The following TBL1X variants were observed in gnomAD, a reference collection of about 807,000 sequenced individuals.
TBL1X encodes F-box-like/WD repeat-containing protein TBL1X.
In TBL1X, 10 loss-of-function variants were observed where a neutral mutation model predicts 50.7. The ratio of observed to expected loss-of-function variants is 0.20; its 90% confidence interval spans 0.12 to 0.33. The LOEUF (loss-of-function observed/expected upper bound fraction) is 0.33. TBL1X is among the 10% of genes least tolerant of loss of function. The pLI is 1.00. For missense variants in TBL1X, 340 were observed against 504.4 expected (o/e 0.67, Z 3.12); for synonymous variants, 190 against 214.7 (o/e 0.88, Z 1.01).
chrX:9,576,778 C>T (rs747303525), intron 2 of TBL1X, among the ~76,000 whole-genome samples: 3 of 106,083 alleles, frequency 2.8e-5, no homozygotes, highest in South Asian at 4.4e-4. Context: ...GTGGGAGGAT[C>T]GCTTGAGCCC....
At chrX:9,667,134 C>T (rs1256700174) in intron 5 of TBL1X, among the ~76,000 whole-genome samples, 4 of 111,401 alleles carry the variant, frequency 3.6e-5, no homozygotes, top group African/African-American at 9.8e-5. Context: ...TGGTGGCGGG[C>T]GCCTGTAGTT....
chrX:9,688,100 G>A lies in TBL1X; in HGVS notation c.441G>A (p.Gln147=). Residue 147 remains glutamine (Q), a synonymous_variant, in exon 7 of 18, where the codon CAG becomes CAA. Transcript: ENST00000645353. ...AVMPDVVQTR[Q]QAFREKLAQQ... Reference sequence around the variant, plus strand: ...TGCCCGACGTGGTGCAGACGCGGCAGCAGGCATTCCGAGAGAAGCTCGCTC... The same window carrying A: ...TGCCCGACGTGGTGCAGACGCGGCAACAGGCATTCCGAGAGAAGCTCGCTC... 2 of 1,211,329 alleles carry A rather than the reference G, an allele frequency of 1.7e-6. No individual in the cohort carries two copies. The highest frequency in any genetic ancestry group is 2.2e-6 in the Non-Finnish European group (2 of 895,195).
At position 9,616,021 on chromosome X, in the gene TBL1X, A is replaced by T. The variant is rs760611300; in HGVS notation, c.-130-24252A>T. ...TATGTGAAACACAGGGAAGACAGCC[A>T]TGAACAGACCAGACACAAATCTTAC... is the stretch of plus-strand genomic sequence containing the variant. On this transcript the variant is annotated intron_variant, in intron 2 of 17. Transcript: ENST00000645353. Among the ~76,000 whole-genome samples, 442 of 112,389 alleles carry T rather than the reference A, an allele frequency of 3.9e-3. 2 individuals carry two copies. Among genetic ancestry groups the T allele is most frequent in the African/African-American group, 0.013 (418 of 30,988 alleles).
intron 2 of TBL1X, among the ~76,000 whole-genome samples, chrX:9,518,721 T>A (rs922324700): frequency 9.0e-6 from 1 of 111,104 alleles, no homozygotes; most frequent in African/African-American, 3.3e-5. Context: ...GGCCTTTTTC[T>A]GTATCCTCCT....
chrX:9,470,358 C>T (rs977977438), intron 1 of TBL1X, among the ~76,000 whole-genome samples: 17 of 112,789 alleles, frequency 1.5e-4, no homozygotes, highest in East Asian at 2.8e-4. Context: ...CAAGTTCAAG[C>T]GATTCTCCTC....
chrX:9,681,603 G>C (rs2083026303), intron 5 of TBL1X, among the ~76,000 whole-genome samples: 1 of 112,396 alleles, frequency 8.9e-6, no homozygotes, highest in Non-Finnish European at 1.9e-5. Flanking sequence ...TTGCGGGAAT[G>C]AATGAGTCAG....
At chrX:9,469,377 G>T in intron 1 of TBL1X, among the ~76,000 whole-genome samples, 1 of 111,179 alleles carries the variant, frequency 9.0e-6, no homozygotes, top group Non-Finnish European at 1.9e-5. Flanking sequence ...TGGCCAGGCT[G>T]GGCTCGAACT....
At position 9,709,791 on chromosome X, in the gene TBL1X, C is replaced by T. The variant is rs180683131; in HGVS notation, c.1439+31C>T. The T allele has an allele frequency of 3.8e-5, 46 of 1,198,533 alleles. 1 individual carries two copies. In the Middle Eastern group the frequency reaches 7.7e-3, roughly 200 times the overall value. ...GGCAGGCAACACAGCTGGCACAGCT[C>T]GGTGTTACACAAAGACAACAGGAAA... On this transcript the variant is annotated intron_variant, in intron 15 of 17. Coordinates refer to ENST00000645353, the MANE Select transcript of TBL1X (RefSeq NM_005647.4).
At chrX:9,540,185 C>T (rs756365829) in intron 2 of TBL1X, among the ~76,000 whole-genome samples, 1 of 112,343 alleles carries the variant, frequency 8.9e-6, no homozygotes, top group East Asian at 2.8e-4. Flanking sequence ...AACACTTATG[C>T]GTTAGCCAGG....
intron 2 of TBL1X, among the ~76,000 whole-genome samples, chrX:9,593,076 A>G (rs1243958574): frequency 9.0e-6 from 1 of 111,533 alleles, no homozygotes; most frequent in Non-Finnish European, 1.9e-5. Flanking sequence ...AGCGGGTGTG[A>G]TGGAAGGGTG....
chrX:9,575,061 C>A (rs986725176), intron 2 of TBL1X, among the ~76,000 whole-genome samples: 1 of 111,549 alleles, frequency 9.0e-6, no homozygotes, highest in African/African-American at 3.3e-5. Flanking sequence ...AATTGACTCC[C>A]AGTTCTGCAT....
At chrX:9,706,016 G>T (rs1461619505) in intron 13 of TBL1X, among the ~76,000 whole-genome samples, 1 of 110,737 alleles carries the variant, frequency 9.0e-6, no homozygotes, top group Non-Finnish European at 1.9e-5. Context: ...GGCAAGAGGT[G>T]GGAGGAGTGG....
intron 2 of TBL1X, among the ~76,000 whole-genome samples, chrX:9,556,791 TTG>T (rs1244687755): frequency 2.0e-4 from 22 of 109,658 alleles, no homozygotes; most frequent in African/African-American, 7.3e-4. Flanking sequence ...TTGTTTTGTT[TTG>T]TGTTTTTTGT....
intron 2 of TBL1X, among the ~76,000 whole-genome samples, chrX:9,517,122 A>C (rs2082084180): frequency 1.8e-5 from 2 of 111,472 alleles, no homozygotes; most frequent in African/African-American, 3.3e-5. Context: ...AGAGATAGTC[A>C]GATAGGGCCG....
chrX:9,651,190 G>A (rs1454905735), intron 3 of TBL1X, among the ~76,000 whole-genome samples: 2 of 110,097 alleles, frequency 1.8e-5, no homozygotes, highest in Non-Finnish European at 3.8e-5. Context: ...ACCACACTCA[G>A]CTAGTTTTTT....
At chrX:9,715,997 T>C (rs987993980) in intron 17 of TBL1X, among the ~76,000 whole-genome samples, 1 of 112,246 alleles carries the variant, frequency 8.9e-6, no homozygotes, top group Admixed American at 9.4e-5. Flanking sequence ...ACCTGGCCTT[T>C]CTGCTCTGTG....
At chrX:9,566,204 TC>T (rs1233491668) in intron 2 of TBL1X, among the ~76,000 whole-genome samples, 1 of 111,730 alleles carries the variant, frequency 9.0e-6, no homozygotes, top group Non-Finnish European at 1.9e-5. Context: ...TGTGGGATGT[TC>T]CGCAGCATCT....
intron 2 of TBL1X, among the ~76,000 whole-genome samples, chrX:9,518,346 C>A (rs919902813): frequency 1.8e-5 from 2 of 111,742 alleles, no homozygotes; most frequent in African/African-American, 3.3e-5. Context: ...CTTGAAGGCA[C>A]GTACCATCTT....
In TBL1X at chrX:9,595,297, G is replaced by T. The variant is rs183686291; in HGVS notation, c.-130-44976G>T. Among the ~76,000 whole-genome samples the T allele has an allele frequency of 1.3e-4, 15 of 112,137 alleles. No individual in the cohort carries two copies. In the East Asian group the frequency reaches 3.1e-3, roughly 23 times the overall value. On this transcript the variant is annotated intron_variant, in intron 2 of 17. Coordinates refer to ENST00000645353, the MANE Select transcript of TBL1X (RefSeq NM_005647.4). The stretch of plus-strand genomic sequence containing the variant: ...TGTGGTTTGCCCAAACCCACATAGA[G>T]CTGGGAAAGGGGCCAGGGACTCAAA...
Sources: gnomAD v4.1 joint callset for allele counts (sites outside exome capture counted in the v4.1 genomes callset) on GRCh38, gnomAD v4.1.1 for gene constraint, MANE v1.5 for transcripts, NCBI Gene and HGNC (gene_info 2026-07-23, HGNC 2026-07-21) for gene names.